The following SLC13A3 variants were observed in gnomAD, a reference collection of about 807,000 sequenced individuals.
SLC13A3 encodes solute carrier family 13 member 3, also known as Na(+)/dicarboxylate cotransporter 3.
SLC13A3 carries 40 observed loss-of-function variants against 59.0 expected under a neutral mutation model. That is an observed-to-expected ratio of 0.68 (90% confidence interval 0.53 to 0.88). SLC13A3 has a LOEUF of 0.88. Among genes scored for constraint, SLC13A3 ranks in the 40% least tolerant of loss-of-function variants. The probability of loss-of-function intolerance (pLI) is 0.00; values close to 1 mark genes in which losing one functional copy is unlikely to be tolerated. For synonymous variants in SLC13A3, 317 were observed against 330.3 expected (o/e 0.96, Z 0.44); for missense variants, 699 against 783.2 (o/e 0.89, Z 1.28).
intron 8 of SLC13A3, 194 bp from the exon 9 acceptor site, chr20:46,583,863 G>C: frequency 5.1e-6 from 5 of 985,384 alleles, no homozygotes; most frequent in Non-Finnish European, 6.0e-6. Context: ...AGCTCCCTGG[G>C]GGCATTTAGA....
At chr20:46,659,378 A>G (rs1185737617) in intron 1 of SLC13A3, among the ~76,000 whole-genome samples, 1 of 152,048 alleles carries the variant, frequency 6.6e-6, no homozygotes, top group African/African-American at 2.4e-5. Flanking sequence ...ATCACAGTCT[A>G]CCTTTGCACA....
At chr20:46,563,334 A>G (rs2061947749) in intron 12 of SLC13A3, 80 bp downstream of exon 12, 4 of 1,511,324 alleles carry the variant, frequency 2.6e-6, no homozygotes, top group Non-Finnish European at 3.6e-6. Flanking sequence ...AGCGTGCAGG[A>G]GTCCTGCATA....
intron 10 of SLC13A3, among the ~76,000 whole-genome samples, chr20:46,566,772 T>C (rs981493405): frequency 6.6e-6 from 1 of 151,196 alleles, no homozygotes; most frequent in African/African-American, 2.4e-5. Context: ...CAAATCATAA[T>C]AGTTACTTAT....
chr20:46,563,476 G>C lies in SLC13A3; in HGVS notation c.1570C>G (p.Pro524Ala). The change falls in exon 12 of 13, where the codon CCG becomes GCG. Residue 524 changes from proline to alanine, a missense_variant. Pro to Ala is a conservative substitution (Grantham distance 27). Coordinates refer to ENST00000279027, the MANE Select transcript of SLC13A3 (RefSeq NM_022829.6). ...TVGCSFAFMLPVSTPPNSIAF... is the reference protein window; with the variant it reads ...TVGCSFAFMLAVSTPPNSIAF... Reference sequence around the variant, plus strand: ...ATGGAGTTGGGGGGCGTTGAGACCGGGAGCATGAAGGCAAAGGAGCAGCCG... The same window carrying C: ...ATGGAGTTGGGGGGCGTTGAGACCGCGAGCATGAAGGCAAAGGAGCAGCCG... The C allele has an allele frequency of 1.2e-6, 2 of 1,614,154 alleles. No homozygotes were observed. Among genetic ancestry groups the C allele is most frequent in the Non-Finnish European group, 1.7e-6 (2 of 1,180,032 alleles).
At chr20:46,562,280 G>A (rs2061937914) in intron 12 of SLC13A3, among the ~76,000 whole-genome samples, 1 of 152,140 alleles carries the variant, frequency 6.6e-6, no homozygotes, top group South Asian at 2.1e-4. Context: ...CTGACCTCGT[G>A]TCTCCAACCT....
At chr20:46,665,684 T>G (rs1038413553) in intron 1 of SLC13A3, among the ~76,000 whole-genome samples, 3 of 152,250 alleles carry the variant, frequency 2.0e-5, no homozygotes, top group African/African-American at 7.2e-5. Flanking sequence ...TTCTGGCTAT[T>G]ATGAATAATG....
intron 1 of SLC13A3, among the ~76,000 whole-genome samples, chr20:46,678,264 C>T (rs2063137251): frequency 6.6e-6 from 1 of 152,306 alleles, no homozygotes; most frequent in Middle Eastern, 3.4e-3. Context: ...TCACTTTGAT[C>T]TAAATAGAGA....
At chr20:46,630,229 A>G (rs2062723726) in intron 1 of SLC13A3, among the ~76,000 whole-genome samples, 1 of 152,180 alleles carries the variant, frequency 6.6e-6, no homozygotes, top group Admixed American at 6.5e-5. Flanking sequence ...AGAAAACTAG[A>G]ACCTTTACAG....
upstream of SLC13A3, among the ~76,000 whole-genome samples, chr20:46,655,796 A>C (rs981683115): frequency 3.5e-5 from 5 of 144,826 alleles, no homozygotes; most frequent in African/African-American, 1.3e-4. Flanking sequence ...TTCAGTATAT[A>C]TAATATATAA....
rs377725928 is a variant in SLC13A3 at position 46,583,519 on chromosome 20, C to T, written c.1219+53G>A. The T allele has an allele frequency of 5.0e-6, 8 of 1,599,842 alleles. No individual in the cohort carries two copies. The African/African-American group carries it at 9.5e-5, about 19-fold the overall frequency. On this transcript the variant is annotated intron_variant, in intron 9 of 12. Coordinates refer to ENST00000279027, the MANE Select transcript of SLC13A3 (RefSeq NM_022829.6). ...GCTCCAGGCCCTTGATGACCACACT[C>T]CATGCCGCAGTCCTCACTGAGCCCA...
chr20:46,648,446 C>G (rs1366058298), intron 1 of SLC13A3, among the ~76,000 whole-genome samples: 1 of 152,062 alleles, frequency 6.6e-6, no homozygotes, highest in Non-Finnish European at 1.5e-5. Context: ...TTGAGGGAGG[C>G]GAAGGTCCTC....
intron 1 of SLC13A3, among the ~76,000 whole-genome samples, chr20:46,669,824 A>C (rs1183253715): frequency 6.6e-6 from 1 of 152,154 alleles, no homozygotes; most frequent in African/African-American, 2.4e-5. Flanking sequence ...TAGACTTAGA[A>C]TTTTTCAACT....
chr20:46,682,672 T>C lies in SLC13A3; in HGVS notation c.-31+1724A>G, dbSNP rs560862155. On this transcript the variant is annotated intron_variant, in intron 1 of 6. Coordinates refer to the SLC13A3 transcript ENST00000372121. ...AATGCATGGAAAGAACGTAACTCTATAAAGTCAGCTGCTGTTGTTAAAAGC... is the reference window on the plus strand; with the variant it reads ...AATGCATGGAAAGAACGTAACTCTACAAAGTCAGCTGCTGTTGTTAAAAGC... Among the ~76,000 whole-genome samples the C allele has an allele frequency of 5.3e-5, 8 of 152,276 alleles. No individual in the cohort carries two copies. The East Asian group carries it at 1.4e-3, about 26-fold the overall frequency.
At chr20:46,623,865 A>G (rs1394718262) in intron 1 of SLC13A3, among the ~76,000 whole-genome samples, 1 of 152,092 alleles carries the variant, frequency 6.6e-6, no homozygotes, top group Non-Finnish European at 1.5e-5. Flanking sequence ...GCAAACAGGA[A>G]AAGTCAAGTA....
intron 1 of SLC13A3, among the ~76,000 whole-genome samples, chr20:46,649,392 T>A (rs866470495): frequency 6.6e-6 from 1 of 152,128 alleles, no homozygotes; most frequent in Non-Finnish European, 1.5e-5. Context: ...AGAGTCCCCC[T>A]CAAGTAGTAA....
At chr20:46,624,827 A>T (rs1476165024) in intron 1 of SLC13A3, among the ~76,000 whole-genome samples, 1 of 152,202 alleles carries the variant, frequency 6.6e-6, no homozygotes, top group Admixed American at 6.5e-5. Context: ...ATTTCAGCCC[A>T]GGTCCTCTTT....
chr20:46,561,660 GTT>G lies in SLC13A3; in HGVS notation c.1633-1464_1633-1463del, dbSNP rs11479853. Among the ~76,000 whole-genome samples, 498 of 140,440 alleles carry G rather than the reference GTT, an allele frequency of 3.5e-3. 1 individual carries two copies. The highest frequency in any genetic ancestry group is 0.011 in the Middle Eastern group (3 of 262). 92.1% of individuals were successfully genotyped at this position (140,440 alleles called of 152,430 possible). A position where few individuals can be genotyped will look rare whatever the true frequency, so the allele number is the denominator to read the frequency against. On this transcript the variant is annotated intron_variant, in intron 12 of 12. Transcript: ENST00000279027. Reference sequence around the variant, plus strand: ...AATATTCTTATTCAAGTTTTTTTTTGTTTTTTTTTTTTAATGTCAAGCTGATT... The same window carrying G: ...AATATTCTTATTCAAGTTTTTTTTTGTTTTTTTTTTAATGTCAAGCTGATT...
intron 1 of SLC13A3, among the ~76,000 whole-genome samples, chr20:46,681,092 A>G (rs2063151592): frequency 6.6e-6 from 1 of 152,240 alleles, no homozygotes; most frequent in South Asian, 2.1e-4. Context: ...GGAAGGGGCC[A>G]GGACAAGGGC....
chr20:46,573,616 C>T (rs1904412223), intron 10 of SLC13A3, among the ~76,000 whole-genome samples: 1 of 152,208 alleles, frequency 6.6e-6, no homozygotes, highest in African/African-American at 2.4e-5. Context: ...CAGTTTTTAG[C>T]ACTTCTTATC....
Sources: gnomAD v4.1 joint callset for allele counts (sites outside exome capture counted in the v4.1 genomes callset) on GRCh38, gnomAD v4.1.1 for gene constraint, MANE v1.5 for transcripts, NCBI Gene and HGNC (gene_info 2026-07-23, HGNC 2026-07-21) for gene names.